Variants in PCNX2 observed in about 807,000 individuals in gnomAD.
PCNX2 encodes the protein pecanex 2, also known as pecanex-like protein 2.
Under a neutral mutation model 223.8 loss-of-function variants are expected in PCNX2, and 168 were observed. The observed-to-expected ratio is 0.75, with a 90% confidence interval of 0.66 to 0.85. The LOEUF is 0.85. Among genes scored for constraint, PCNX2 ranks in the 40% least tolerant of loss-of-function variants. The pLI is 0.00. For synonymous variants in PCNX2, 1,006 were observed against 1,052.6 expected (o/e 0.96, Z 0.86); for missense variants, 2,507 against 2,675.5 (o/e 0.94, Z 1.39).
chr1:233,243,822 CTTTA>C (rs202238890), intron 8 of PCNX2, among the ~76,000 whole-genome samples: 76 of 148,352 alleles, frequency 5.1e-4, no homozygotes, highest in African/African-American at 1.9e-3. Flanking sequence ...GTACTATCAC[CTTTA>C]TTTTTTATTT....
At chr1:233,072,285 T>G (rs1672891147) in intron 23 of PCNX2, among the ~76,000 whole-genome samples, 1 of 152,248 alleles carries the variant, frequency 6.6e-6, no homozygotes. Context: ...GGTTTTACGT[T>G]TAAGTCTTTA....
intron 8 of PCNX2, among the ~76,000 whole-genome samples, chr1:233,237,663 T>C (rs1327885803): frequency 6.6e-6 from 1 of 152,190 alleles, no homozygotes; most frequent in Non-Finnish European, 1.5e-5. Context: ...GATTTTCTAG[T>C]AGGGTATCTA....
chr1:233,101,164 C>T (rs551482381), intron 21 of PCNX2, among the ~76,000 whole-genome samples: 8 of 151,948 alleles, frequency 5.3e-5, no homozygotes, highest in South Asian at 2.1e-4. Flanking sequence ...GATTAAAAGC[C>T]GGAAACAAAG....
At chr1:233,006,814 T>C (rs955501647) in intron 28 of PCNX2, among the ~76,000 whole-genome samples, 1 of 152,154 alleles carries the variant, frequency 6.6e-6, no homozygotes, top group Non-Finnish European at 1.5e-5. Flanking sequence ...TTGTAGAACA[T>C]ATGTAAACAA....
At chr1:233,121,087 C>T (rs2102735985) in intron 21 of PCNX2, among the ~76,000 whole-genome samples, 1 of 150,872 alleles carries the variant, frequency 6.6e-6, no homozygotes, top group African/African-American at 2.4e-5. Flanking sequence ...ACGATAGCAC[C>T]AAATAAGACA....
chr1:233,224,430 G>T (rs1657575530), intron 10 of PCNX2, among the ~76,000 whole-genome samples: 1 of 152,230 alleles, frequency 6.6e-6, no homozygotes, highest in Admixed American at 6.5e-5. Flanking sequence ...TGACTCTTTT[G>T]AAGAATGTCA....
At chr1:233,264,010 C>T (rs981962097) in intron 1 of PCNX2, among the ~76,000 whole-genome samples, 7 of 152,248 alleles carry the variant, frequency 4.6e-5, no homozygotes, top group Non-Finnish European at 8.8e-5. Flanking sequence ...CAAAAGGGTA[C>T]TACTTCCAAA....
intron 9 of PCNX2, among the ~76,000 whole-genome samples, chr1:233,234,027 C>T (rs1010539522): frequency 6.6e-6 from 1 of 152,108 alleles, no homozygotes; most frequent in African/African-American, 2.4e-5. Context: ...TTTCCTGTGT[C>T]CCACACCACC....
rs562867823 is a variant in PCNX2, at chr1:232,984,491, G to A, written c.6241-14C>T. ...CTCGGAGAGGTGCTTCCAAAGAGAA[G>A]AGAGAAACAGTGAACAGCTCAGCAA... is the stretch of plus-strand genomic sequence containing the variant. On this transcript the variant is annotated splice_polypyrimidine_tract_variant and intron_variant, in intron 33 of 33. Transcript: ENST00000258229. The A allele has an allele frequency of 6.2e-7, 1 of 1,610,308 alleles. No homozygotes were observed. Among genetic ancestry groups the A allele is most frequent in the Admixed American group, 1.7e-5 (1 of 59,538 alleles).
At chr1:233,157,079 GTC>G (rs1349200979) in intron 19 of PCNX2, among the ~76,000 whole-genome samples, 2 of 152,202 alleles carry the variant, frequency 1.3e-5, no homozygotes, top group Non-Finnish European at 2.9e-5. Context: ...ATTGTGGAAA[GTC>G]TCTATCAAAT....
chr1:233,036,622 T>C (rs1572034787), intron 25 of PCNX2, among the ~76,000 whole-genome samples: 1 of 138,886 alleles, frequency 7.2e-6, no homozygotes. Flanking sequence ...AGAGCAAGAC[T>C]CCATCTCAAA....
chr1:233,302,479 G>GA, the PCNX2 span, among the ~76,000 whole-genome samples: 1 of 151,788 alleles, frequency 6.6e-6, no homozygotes, highest in Non-Finnish European at 1.5e-5. Flanking sequence ...TCTTCTCAAA[G>GA]AAAAAATTTC....
chr1:233,270,148 G>A (rs564562707), intron 1 of PCNX2, among the ~76,000 whole-genome samples: 1 of 152,138 alleles, frequency 6.6e-6, no homozygotes, highest in Admixed American at 6.5e-5. Context: ...TCCTATTTAA[G>A]TAAGTTATAA....
At chr1:233,007,261 A>G (rs1198669784) in intron 28 of PCNX2, among the ~76,000 whole-genome samples, 1 of 151,448 alleles carries the variant, frequency 6.6e-6, no homozygotes, top group South Asian at 2.1e-4. Context: ...GACACCTTCC[A>G]TTTGTATGGT....
chr1:233,235,960 ATAT>A (rs1658377843), intron 9 of PCNX2, among the ~76,000 whole-genome samples: 4 of 92,646 alleles, frequency 4.3e-5, no homozygotes, highest in African/African-American at 1.3e-4. Flanking sequence ...AAAAAAAAAT[ATAT>A]ATATATATAT....
intron 19 of PCNX2, among the ~76,000 whole-genome samples, chr1:233,156,224 T>G (rs1251641886): frequency 6.6e-6 from 1 of 152,252 alleles, no homozygotes; most frequent in Non-Finnish European, 1.5e-5. Flanking sequence ...GTCTTCAACT[T>G]CAGTTATAAT....
intron 32 of PCNX2, among the ~76,000 whole-genome samples, chr1:232,997,874 C>T (rs182025752): frequency 1.6e-4 from 25 of 152,176 alleles, no homozygotes; most frequent in African/African-American, 4.1e-4. Flanking sequence ...GTGTGCCCCA[C>T]GGACACTTGG....
intron 9 of PCNX2, among the ~76,000 whole-genome samples, chr1:233,234,831 G>A (rs1658287349): frequency 6.6e-6 from 1 of 152,178 alleles, no homozygotes; most frequent in African/African-American, 2.4e-5. Flanking sequence ...AAGTCCCTCA[G>A]GAAAGCCCGT....
chr1:233,086,532 G>A (rs1306999485), intron 23 of PCNX2, among the ~76,000 whole-genome samples: 9 of 151,866 alleles, frequency 5.9e-5, no homozygotes, highest in Admixed American at 1.3e-4. Flanking sequence ...TTAGTCAGGC[G>A]TGGTGGCGGG....
Sources: gnomAD v4.1 joint callset for allele counts (sites outside exome capture counted in the v4.1 genomes callset) on GRCh38, gnomAD v4.1.1 for gene constraint, MANE v1.5 for transcripts, NCBI Gene and HGNC (gene_info 2026-07-23, HGNC 2026-07-21) for gene names.